The following CWF19L2 variants were observed in gnomAD, a reference collection of about 807,000 sequenced individuals.
CWF19L2 encodes the protein CWF19 like cell cycle control factor 2.
Under a neutral mutation model 111.7 loss-of-function variants are expected in CWF19L2, and 98 were observed. That is an observed-to-expected ratio of 0.88 (90% confidence interval 0.75 to 1.04). CWF19L2 has a LOEUF of 1.04. Ranked by LOEUF, CWF19L2 falls within the 50% of genes least tolerant of loss-of-function variation. CWF19L2 has a pLI of 0.00. For missense variants in CWF19L2, 1,101 were observed against 1,051.4 expected (o/e 1.05, Z -0.65); for synonymous variants, 351 against 342.9 (o/e 1.02, Z -0.26).
intron 10 of CWF19L2, among the ~76,000 whole-genome samples, chr11:107,405,571 T>A (rs2135388676): frequency 6.6e-6 from 1 of 152,104 alleles, no homozygotes; most frequent in African/African-American, 2.4e-5. Flanking sequence ...AAAAACAGTA[T>A]AACCTGCTGC....
intron 3 of CWF19L2, among the ~76,000 whole-genome samples, chr11:107,443,690 C>T (rs1861663972): frequency 6.6e-6 from 1 of 152,190 alleles, no homozygotes; most frequent in Non-Finnish European, 1.5e-5. Flanking sequence ...CACATCTCTG[C>T]TTCACTAGAA....
chr11:107,439,577 A>G (rs1861591468), intron 5 of CWF19L2, among the ~76,000 whole-genome samples: 1 of 152,216 alleles, frequency 6.6e-6, no homozygotes, highest in South Asian at 2.1e-4. Flanking sequence ...TCCTAGAGGA[A>G]GTAATATGTG....
At chr11:107,434,672 C>CAA (rs71044301) in intron 6 of CWF19L2, among the ~76,000 whole-genome samples, 1,744 of 115,646 alleles carry the variant, frequency 0.015, 38 homozygotes, top group African/African-American at 0.048. Context: ...TATTACACAG[C>CAA]AAAAAAAAAA....
chr11:107,353,532 C>G lies in CWF19L2; in HGVS notation c.2077G>C (p.Gly693Arg). ...QFPKHLIVAI[G>R]VKVYLCLPNV... ...TAATAAATACTTCTTACCTTAACAC[C>G]TATTGCAACAATAAGATGCTTGGGA... The change falls in exon 13 of 18, where the codon GGT becomes CGT. Residue 693 changes from glycine (G) to arginine (R), a missense_variant. Transcript: ENST00000282251. 3.1e-6 allele frequency: 5 copies of G among 1,612,246 alleles called. No homozygotes were observed. Among genetic ancestry groups the G allele is most frequent in the Non-Finnish European group, 4.2e-6 (5 of 1,178,534 alleles).
At chr11:107,404,155 T>C in intron 10 of CWF19L2, 1 of 775,710 alleles carries the variant, frequency 1.3e-6, no homozygotes, top group Admixed American at 1.7e-5. Context: ...TTCTGCACGA[T>C]TTTTTGCATT....
chr11:107,332,288 G>A (rs1859861212), intron 16 of CWF19L2, among the ~76,000 whole-genome samples: 1 of 152,122 alleles, frequency 6.6e-6, no homozygotes, highest in Non-Finnish European at 1.5e-5. Context: ...AAACAGCCTT[G>A]TGAAAAATGA....
intron 12 of CWF19L2, among the ~76,000 whole-genome samples, chr11:107,361,200 C>T (rs1244310226): frequency 6.6e-6 from 1 of 152,194 alleles, no homozygotes; most frequent in Non-Finnish European, 1.5e-5. Flanking sequence ...GCACCATTTA[C>T]TGAAAAGAGT....
At chr11:107,433,835 T>C (rs983763729) in intron 6 of CWF19L2, 86 bp from the exon 7 acceptor site, 6 of 287,868 alleles carry the variant, frequency 2.1e-5, no homozygotes, top group South Asian at 1.2e-4. Flanking sequence ...TTCTAAAATA[T>C]AAAAATAAAT....
chr11:107,375,736 T>C (rs374724771), intron 12 of CWF19L2, among the ~76,000 whole-genome samples: 1,042 of 110,412 alleles, frequency 9.4e-3, no homozygotes, highest in African/African-American at 0.041. Flanking sequence ...GCAAACACAT[T>C]CAAAAGCTAG....
chr11:107,407,107 T>A (rs1483095135), intron 10 of CWF19L2, among the ~76,000 whole-genome samples: 1 of 152,104 alleles, frequency 6.6e-6, no homozygotes, highest in South Asian at 2.1e-4. Context: ...CTCTTCCTCA[T>A]CAATCTTCAT....
intron 3 of CWF19L2, among the ~76,000 whole-genome samples, chr11:107,443,417 A>G (rs1861659697): frequency 6.6e-6 from 1 of 152,102 alleles, no homozygotes; most frequent in Non-Finnish European, 1.5e-5. Context: ...CAGGAGGCAG[A>G]GGTTGCAGTG....
chr11:107,373,840 C>A (rs1031151146), intron 12 of CWF19L2, among the ~76,000 whole-genome samples: 1 of 132,732 alleles, frequency 7.5e-6, no homozygotes, highest in Non-Finnish European at 1.6e-5. Context: ...GGAGGACACT[C>A]GAACCAAAGG....
At position 107,454,465 on chromosome 11, in the gene CWF19L2, T is replaced by C; in HGVS notation, c.324A>G (p.Ser108=). Residue 108 remains serine (S), a synonymous_variant, in exon 3 of 18, where the codon TCA becomes TCG. Coordinates refer to ENST00000282251, the MANE Select transcript of CWF19L2 (RefSeq NM_152434.3). ...ACATACTTACTGATGAGCTATCAGATGACTCATTGTTTTTTTCATATTTCT... is the reference window on the plus strand; with the variant it reads ...ACATACTTACTGATGAGCTATCAGACGACTCATTGTTTTTTTCATATTTCT... The part of the protein sequence containing the change: ...KKQKYEKNNE[S]SDSSSSSEDE... 1 of 1,445,154 alleles carries C rather than the reference T, an allele frequency of 6.9e-7. No homozygotes were observed. The highest frequency in any genetic ancestry group is 9.1e-7 in the Non-Finnish European group (1 of 1,102,752). The allele number at this position is 1,445,154 out of a possible 1,614,324, so 89.5% of individuals were successfully genotyped here.
rs761215951 is a variant in CWF19L2 at position 107,442,735 on chromosome 11, AAAGGAAGGAAGGAAGGAAGGAAGG to A, written c.450+180_450+203del. Among the ~76,000 whole-genome samples, 47 of 73,140 alleles carry A rather than the reference AAAGGAAGGAAGGAAGGAAGGAAGG, an allele frequency of 6.4e-4. 1 individual carries two copies. Among genetic ancestry groups the A allele is most frequent in the African/African-American group, 1.4e-3 (25 of 17,488 alleles). 48.0% of individuals were successfully genotyped at this position (73,140 alleles called of 152,430 possible). ...GAGAGAGAGAGAAAGAGAAAGAAAG[AAAGGAAGGAAGGAAGGAAGGAAGG>A]AAGGAAGGAAGGAAGGAAGGAAGGA... is the stretch of plus-strand genomic sequence containing the variant. On this transcript the variant is annotated intron_variant, in intron 4 of 17. Transcript: ENST00000282251.
At chr11:107,379,417 C>A (rs1259964169) in intron 12 of CWF19L2, among the ~76,000 whole-genome samples, 1 of 152,254 alleles carries the variant, frequency 6.6e-6, no homozygotes, top group African/African-American at 2.4e-5. Context: ...CCTTCTACAA[C>A]AAAGACTTAA....
chr11:107,412,942 A>G (rs944594724), intron 10 of CWF19L2, among the ~76,000 whole-genome samples: 4 of 152,226 alleles, frequency 2.6e-5, no homozygotes, highest in Non-Finnish European at 5.9e-5. Flanking sequence ...TATGGAGACT[A>G]AAAAGATCCG....
At chr11:107,394,684 T>C (rs191331047) in intron 10 of CWF19L2, among the ~76,000 whole-genome samples, 1 of 152,250 alleles carries the variant, frequency 6.6e-6, no homozygotes. Context: ...TATGGCCTAG[T>C]GGGGAAACTA....
rs766853177 is a variant in CWF19L2, at chr11:107,428,850, T to G, written c.1382A>C (p.Asp461Ala). The G allele has an allele frequency of 4.1e-5, 66 of 1,613,126 alleles. No individual in the cohort carries two copies. In the South Asian group the frequency reaches 7.0e-4, roughly 17 times the overall value. ...REKSQDEVLR[D>A]DPPKKEHLRD... ...TAGATGTTCTTTTTTTGGAGGGTCATCTCTCAAGACTTCATCTTGTGATTT... is the reference window on the plus strand; with the variant it reads ...TAGATGTTCTTTTTTTGGAGGGTCAGCTCTCAAGACTTCATCTTGTGATTT... Residue 461 changes from aspartate (D) to alanine (A), a missense_variant, in exon 8 of 18, where the codon GAT becomes GCT. Transcript: ENST00000282251.
At chr11:107,451,958 C>T (rs1008854090) in intron 3 of CWF19L2, among the ~76,000 whole-genome samples, 3 of 152,088 alleles carry the variant, frequency 2.0e-5, no homozygotes, top group African/African-American at 4.8e-5. Flanking sequence ...CATGAAAGTC[C>T]CACAGCAGAC....
Sources: gnomAD v4.1 joint callset for allele counts (sites outside exome capture counted in the v4.1 genomes callset) on GRCh38, gnomAD v4.1.1 for gene constraint, MANE v1.5 for transcripts, NCBI Gene and HGNC (gene_info 2026-07-23, HGNC 2026-07-21) for gene names.